Variants in TAF2 observed in about 807,000 individuals in gnomAD.
TAF2 encodes transcription initiation factor TFIID subunit 2.
A neutral mutation model predicts 138.5 loss-of-function variants in TAF2; 61 were observed. That is an observed-to-expected ratio of 0.44 (90% CI 0.36 to 0.54). The LOEUF is 0.54. Ranked by LOEUF, TAF2 falls within the 20% of genes least tolerant of loss-of-function variation. The pLI is 0.00. For synonymous variants in TAF2, 475 were observed against 469.9 expected (o/e 1.01, Z -0.14); for missense variants, 1,090 against 1,427.9 (o/e 0.76, Z 3.81).
intron 9 of TAF2, among the ~76,000 whole-genome samples, chr8:119,794,352 C>T (rs1054351820): frequency 5.3e-5 from 8 of 150,812 alleles, no homozygotes; most frequent in Non-Finnish European, 8.8e-5. Flanking sequence ...GCCGAGATTG[C>T]GCCACTGCAC....
chr8:119,826,274 ACAAG>A (rs1826094270), intron 2 of TAF2, among the ~76,000 whole-genome samples: 1 of 150,688 alleles, frequency 6.6e-6, no homozygotes, highest in African/African-American at 2.4e-5. Flanking sequence ...AAAAAAAAAA[ACAAG>A]AAACAAACAA....
chr8:119,776,353 T>C (rs1822237253), intron 18 of TAF2, among the ~76,000 whole-genome samples: 1 of 151,812 alleles, frequency 6.6e-6, no homozygotes, highest in African/African-American at 2.4e-5. Context: ...TGTGCTTTTT[T>C]TTTTTTTTTT....
At chr8:119,790,355 C>T (rs1563882757) in intron 11 of TAF2, among the ~76,000 whole-genome samples, 1 of 151,878 alleles carries the variant, frequency 6.6e-6, no homozygotes, top group Non-Finnish European at 1.5e-5. Context: ...TGAGAGGATC[C>T]CTTGAGCCTG....
intron 18 of TAF2, among the ~76,000 whole-genome samples, chr8:119,777,262 T>A (rs1186035087): frequency 6.6e-6 from 1 of 152,200 alleles, no homozygotes; most frequent in African/African-American, 2.4e-5. Flanking sequence ...GAGAGATGAC[T>A]ACACTTTGCA....
Position 119,808,448 on chromosome 8 carries a change from A to AT in TAF2, c.300-2048dup, listed in dbSNP as rs907014932. 9.1e-4 allele frequency among the ~76,000 whole-genome samples: 138 copies of AT among 152,286 alleles called. 1 individual carries two copies. Among genetic ancestry groups the AT allele is most frequent in the African/African-American group, 3.1e-3 (129 of 41,564 alleles). On this transcript the variant is annotated intron_variant, in intron 3 of 25. Coordinates refer to ENST00000378164, the MANE Select transcript of TAF2 (RefSeq NM_003184.4). ...TTCTCTAAACCCCTCAAAGTCATCC[A>AT]TGAGGTTTGGAATCAACTTCTTCCA... is the stretch of plus-strand genomic sequence containing the variant.
At chr8:119,829,915 A>G (rs1271480529) in intron 2 of TAF2, among the ~76,000 whole-genome samples, 1 of 141,702 alleles carries the variant, frequency 7.1e-6, no homozygotes, top group African/African-American at 2.7e-5. Flanking sequence ...GCTGGAGTGC[A>G]GTGGCGCGAT....
intron 1 of TAF2, among the ~76,000 whole-genome samples, chr8:119,832,239 T>G (rs1011176674): frequency 6.6e-5 from 10 of 151,528 alleles, no homozygotes; most frequent in African/African-American, 2.4e-4. Flanking sequence ...CGAAAACAGA[T>G]TTGACAGAAA....
chr8:119,827,621 C>T (rs1021078280), intron 2 of TAF2, among the ~76,000 whole-genome samples: 1 of 152,162 alleles, frequency 6.6e-6, no homozygotes, highest in Non-Finnish European at 1.5e-5. Context: ...CCACAGGATG[C>T]TGCCTTTAAT....
intron 2 of TAF2, among the ~76,000 whole-genome samples, chr8:119,829,221 A>C (rs1210843190): frequency 1.3e-5 from 2 of 152,332 alleles, no homozygotes; most frequent in Non-Finnish European, 2.9e-5. Flanking sequence ...TTGGTCCAAC[A>C]GTTTCCACAA....
intron 25 of TAF2, among the ~76,000 whole-genome samples, chr8:119,739,867 T>C (rs1382453081): frequency 1.3e-5 from 2 of 151,816 alleles, no homozygotes; most frequent in African/African-American, 2.4e-5. Context: ...TTCCTGAATG[T>C]CTCTATCAGA....
intron 22 of TAF2, among the ~76,000 whole-genome samples, chr8:119,749,438 CAA>C (rs1491467836): frequency 6.6e-6 from 1 of 151,792 alleles, no homozygotes; most frequent in Non-Finnish European, 1.5e-5. Context: ...GTTAAAAGTA[CAA>C]AAGAGAGCAA....
At chr8:119,740,012 T>A (rs1209849558) in intron 25 of TAF2, among the ~76,000 whole-genome samples, 1 of 152,104 alleles carries the variant, frequency 6.6e-6, no homozygotes, top group Non-Finnish European at 1.5e-5. Context: ...ATTTGTGATC[T>A]CTAATCTAGA....
chr8:119,809,638 T>C (rs908065856), intron 3 of TAF2, among the ~76,000 whole-genome samples: 38 of 152,216 alleles, frequency 2.5e-4, no homozygotes, highest in African/African-American at 8.9e-4. Flanking sequence ...TCAGAGGCCA[T>C]TGTAGGGTTA....
At chr8:119,827,546 C>G (rs753835994) in intron 2 of TAF2, among the ~76,000 whole-genome samples, 1 of 152,190 alleles carries the variant, frequency 6.6e-6, no homozygotes, top group African/African-American at 2.4e-5. Context: ...TGTACCCTAT[C>G]TTACAGAAGT....
In TAF2 at chr8:119,819,226, T is replaced by C. The variant is rs112092733; in HGVS notation, c.299+120A>G. 2.2e-3 allele frequency: 2,193 copies of C among 1,014,098 alleles called. 29 individuals carry two copies. The African/African-American group carries it at 0.031, about 14-fold the overall frequency. The allele number at this position is 1,014,098 out of a possible 1,614,324, so 62.8% of individuals were successfully genotyped here. A position where few individuals can be genotyped will look rare whatever the true frequency, so the allele number is the denominator to read the frequency against. ...TACAGAGTGGTAAAACAGATAAAGATTGGGATTCAAAGCCCATTAACGATC... is the reference window on the plus strand; with the variant it reads ...TACAGAGTGGTAAAACAGATAAAGACTGGGATTCAAAGCCCATTAACGATC... On this transcript the variant is annotated intron_variant, in intron 3 of 25. Coordinates refer to ENST00000378164, the MANE Select transcript of TAF2 (RefSeq NM_003184.4).
intron 1 of TAF2, 147 bp downstream of exon 1, chr8:119,832,335 C>T: frequency 1.4e-6 from 1 of 723,014 alleles, no homozygotes; most frequent in Non-Finnish European, 2.3e-6. Context: ...AACATTTTTA[C>T]CTTACAAACA....
At chr8:119,747,073 T>G in intron 22 of TAF2, 139 bp from the exon 23 acceptor site, 2 of 866,502 alleles carry the variant, frequency 2.3e-6, no homozygotes, top group Non-Finnish European at 3.6e-6. Context: ...AAATGAATAC[T>G]AGACATCAAC....
intron 16 of TAF2, among the ~76,000 whole-genome samples, chr8:119,782,889 T>C (rs1209293277): frequency 6.6e-6 from 1 of 152,128 alleles, no homozygotes; most frequent in Non-Finnish European, 1.5e-5. Context: ...GTGCCTGTAA[T>C]CCCAGCTGTG....
chr8:119,806,467 T>TTA, intron 3 of TAF2, 66 bp from the exon 4 acceptor site: 1 of 1,170,998 alleles, frequency 8.5e-7, no homozygotes, highest in Non-Finnish European at 1.2e-6. Flanking sequence ...TTTTCTTTCT[T>TTA]TCTTTTTTTT....
Sources: gnomAD v4.1 joint callset for allele counts (sites outside exome capture counted in the v4.1 genomes callset) on GRCh38, gnomAD v4.1.1 for gene constraint, MANE v1.5 for transcripts, NCBI Gene and HGNC (gene_info 2026-07-23, HGNC 2026-07-21) for gene names.